The following NRXN3 variants were observed in gnomAD, a reference collection of about 807,000 sequenced individuals.
The protein encoded by NRXN3 is neurexin 3.
A neutral mutation model predicts 137.6 loss-of-function variants in NRXN3; 32 were observed. The observed-to-expected ratio is 0.23, with a 90% CI of 0.18 to 0.31. NRXN3 has a LOEUF of 0.31. Among genes scored for constraint, NRXN3 ranks in the 10% least tolerant of loss-of-function variants. The pLI is 1.00. For missense variants in NRXN3, 1,574 were observed against 2,062.5 expected, an observed-to-expected ratio of 0.76 and a Z score of 4.59; for synonymous variants, 798 against 784.5, an observed-to-expected ratio of 1.02 and a Z score of -0.29.
chr14:79,354,203 G>A (rs2093337762), intron 15 of NRXN3, among the ~76,000 whole-genome samples: 1 of 152,130 alleles, frequency 6.6e-6, no homozygotes, highest in South Asian at 2.1e-4. Context: ...CCCTTTGCGT[G>A]AAATGACTTG....
chr14:78,433,691 G>A (rs1451465120), intron 4 of NRXN3, among the ~76,000 whole-genome samples: 1 of 152,142 alleles, frequency 6.6e-6, no homozygotes, highest in Non-Finnish European at 1.5e-5. Context: ...ATGGGATGAT[G>A]CAGCAAGAAG....
At chr14:79,790,443 C>T (rs879597004) in intron 19 of NRXN3, among the ~76,000 whole-genome samples, 12 of 151,922 alleles carry the variant, frequency 7.9e-5, no homozygotes, top group South Asian at 2.1e-4. Context: ...GCTGGGACTA[C>T]GGGCCTGCAC....
Position 78,429,500 on chromosome 14 carries a change from C to T in NRXN3, c.757+131640C>T, listed in dbSNP as rs114682565. Among the ~76,000 whole-genome samples the T allele has an allele frequency of 1.2e-3, 177 of 152,232 alleles. 1 individual carries two copies. Among genetic ancestry groups the T allele is most frequent in the African/African-American group, 4.0e-3 (168 of 41,532 alleles). On this transcript the variant is annotated intron_variant, in intron 4 of 20. Transcript: ENST00000335750. ...AACTTATTAATCAATGTGATGAATC[C>T]GCATCATAAAGTCAACTTAATAATA...
intron 10 of NRXN3, among the ~76,000 whole-genome samples, chr14:78,829,401 T>C (rs1157788805): frequency 6.6e-6 from 1 of 152,172 alleles, no homozygotes; most frequent in African/African-American, 2.4e-5. Flanking sequence ...GAAGAAATGA[T>C]GACACCAGTG....
intron 3 of NRXN3, among the ~76,000 whole-genome samples, chr14:78,289,321 G>A (rs1310741209): frequency 6.6e-6 from 1 of 152,160 alleles, no homozygotes; most frequent in Non-Finnish European, 1.5e-5. Flanking sequence ...ATTATGGGTA[G>A]CATTCTCAGG....
At chr14:78,291,417 G>A (rs748782156) in intron 3 of NRXN3, among the ~76,000 whole-genome samples, 10 of 152,172 alleles carry the variant, frequency 6.6e-5, no homozygotes, top group Non-Finnish European at 1.0e-4. Flanking sequence ...ACTGAATTCC[G>A]TCTCTTTAGT....
chr14:79,392,644 C>A (rs927540191), intron 15 of NRXN3, among the ~76,000 whole-genome samples: 3 of 152,076 alleles, frequency 2.0e-5, no homozygotes, highest in African/African-American at 2.4e-5. Context: ...CAATGAGATA[C>A]CATCTCATGC....
intron 8 of NRXN3, among the ~76,000 whole-genome samples, chr14:78,726,540 G>A (rs1304506049): frequency 3.8e-4 from 42 of 109,954 alleles, no homozygotes; most frequent in Non-Finnish European, 7.1e-4. Flanking sequence ...TTTTTTGAGA[G>A]AAGGCCTGGC....
chr14:79,303,786 T>C (rs537213048), intron 15 of NRXN3, among the ~76,000 whole-genome samples: 1 of 152,054 alleles, frequency 6.6e-6, no homozygotes, highest in Non-Finnish European at 1.5e-5. Context: ...AGTATAATAT[T>C]ATTTACAAAA....
At chr14:78,724,555 A>ATAGAG (rs2098474563) in intron 8 of NRXN3, among the ~76,000 whole-genome samples, 2 of 152,026 alleles carry the variant, frequency 1.3e-5, no homozygotes, top group African/African-American at 4.8e-5. Flanking sequence ...ATAGAATAGA[A>ATAGAG]TGTTCTTAGT....
At chr14:79,546,524 G>A (rs1330598129) in intron 16 of NRXN3, among the ~76,000 whole-genome samples, 1 of 152,152 alleles carries the variant, frequency 6.6e-6, no homozygotes, top group Non-Finnish European at 1.5e-5. Context: ...AGATGAACAA[G>A]TGACTTGTAA....
chr14:78,451,155 A>C (rs1261693859), intron 4 of NRXN3, among the ~76,000 whole-genome samples: 1 of 152,164 alleles, frequency 6.6e-6, no homozygotes. Context: ...GAGTAACTCA[A>C]GCACAGAGTG....
At chr14:78,745,599 CT>C (rs2098603415) in intron 8 of NRXN3, among the ~76,000 whole-genome samples, 1 of 152,080 alleles carries the variant, frequency 6.6e-6, no homozygotes, top group Non-Finnish European at 1.5e-5. Flanking sequence ...TCTAGTGGTC[CT>C]TTGCGTTTGC....
chr14:78,900,904 A>G (rs1468725254), intron 10 of NRXN3, among the ~76,000 whole-genome samples: 2 of 152,016 alleles, frequency 1.3e-5, no homozygotes, highest in African/African-American at 4.8e-5. Context: ...GCTAGGTTTG[A>G]TGAGCCCATT....
At chr14:78,859,294 G>A (rs1447776910) in intron 10 of NRXN3, among the ~76,000 whole-genome samples, 1 of 152,042 alleles carries the variant, frequency 6.6e-6, no homozygotes, top group Non-Finnish European at 1.5e-5. Context: ...CCAGTCTTGG[G>A]TACTCCTTCA....
At chr14:79,686,557 T>C (rs751322844) in intron 17 of NRXN3, among the ~76,000 whole-genome samples, 4 of 152,162 alleles carry the variant, frequency 2.6e-5, no homozygotes, top group Admixed American at 1.3e-4. Context: ...TTATTGCATT[T>C]AATTTGGATA....
intron 15 of NRXN3, among the ~76,000 whole-genome samples, chr14:79,151,450 C>T (rs1023679293): frequency 2.0e-5 from 3 of 152,182 alleles, no homozygotes; most frequent in East Asian, 1.9e-4. Flanking sequence ...CGCCACTCAT[C>T]GTTCCATCAG....
chr14:78,385,610 A>G (rs1393077957), intron 4 of NRXN3, among the ~76,000 whole-genome samples: 1 of 152,188 alleles, frequency 6.6e-6, no homozygotes, highest in Non-Finnish European at 1.5e-5. Flanking sequence ...ATTGGGAAAT[A>G]TTCTATGTAT....
intron 4 of NRXN3, among the ~76,000 whole-genome samples, chr14:78,589,597 G>A (rs2097097941): frequency 6.6e-6 from 1 of 152,162 alleles, no homozygotes; most frequent in South Asian, 2.1e-4. Context: ...CTTTTCATCT[G>A]CTGCCTTGTT....
Sources: allele counts gnomAD v4.1 joint callset (sites outside exome capture counted in the v4.1 genomes callset), GRCh38; gene constraint gnomAD v4.1.1; transcripts MANE v1.5; gene names NCBI Gene and HGNC (gene_info 2026-07-23, HGNC 2026-07-21).